Variants in HEATR1 observed in about 807,000 individuals in gnomAD.
HEATR1 encodes HEAT repeat containing 1, also known as HEAT repeat-containing protein 1.
HEATR1 carries 77 observed loss-of-function variants against 248.2 expected under a neutral mutation model. The ratio of observed to expected loss-of-function variants is 0.31; its 90% CI spans 0.26 to 0.37. The LOEUF (loss-of-function observed/expected upper bound fraction) is 0.37. Ranked by LOEUF, HEATR1 falls within the 10% of genes least tolerant of loss-of-function variation. The pLI is 1.00. For synonymous variants in HEATR1, 897 were observed against 923.1 expected, an observed-to-expected ratio of 0.97 and a Z score of 0.51; for missense variants, 2,420 against 2,504.9, an observed-to-expected ratio of 0.97 and a Z score of 0.72.
intron 20 of HEATR1, among the ~76,000 whole-genome samples, 153 bp downstream of exon 20, chr1:236,581,069 C>T (rs763353327): frequency 6.6e-6 from 1 of 151,578 alleles, no homozygotes; most frequent in Non-Finnish European, 1.5e-5. Context: ...CTGCCTGCTT[C>T]GGCCTCCCAA....
intron 9 of HEATR1, among the ~76,000 whole-genome samples, chr1:236,593,584 G>GAAAAAAAAA (rs534009257): frequency 5.5e-5 from 5 of 90,818 alleles, no homozygotes; most frequent in Non-Finnish European, 4.4e-5. Flanking sequence ...CCCATTAAGA[G>GAAAAAAAAA]AAAAAAAAAA....
At chr1:236,602,568 T>C (rs578222022) in intron 3 of HEATR1, among the ~76,000 whole-genome samples, 1 of 152,340 alleles carries the variant, frequency 6.6e-6, no homozygotes, top group South Asian at 2.1e-4. Flanking sequence ...AGCAGCTTAG[T>C]ACTCACTGCC....
intron 17 of HEATR1, among the ~76,000 whole-genome samples, chr1:236,583,797 T>C (rs1224863801): frequency 1.3e-5 from 2 of 152,164 alleles, no homozygotes; most frequent in Non-Finnish European, 2.9e-5. Flanking sequence ...AAAATAGGTA[T>C]ATTTCAAAAC....
chr1:236,555,967 C>A (rs1222085780), intron 38 of HEATR1, 28 bp from the exon 39 acceptor site: 1 of 1,611,838 alleles, frequency 6.2e-7, no homozygotes, highest in African/African-American at 1.3e-5. Context: ...AAGAGATGTG[C>A]CATTTTCAAA....
rs1663450950 is a variant in HEATR1 at position 236,572,327 on chromosome 1, G to T, written c.3707+84C>A. The T allele has an allele frequency of 1.7e-5, 23 of 1,359,094 alleles. No individual in the cohort carries two copies. The South Asian group carries it at 2.9e-4, about 17-fold the overall frequency. The allele number at this position is 1,359,094 out of a possible 1,614,324, so 84.2% of individuals were successfully genotyped here. ...TTTACAGACTATCTAAACAAGAGAA[G>T]AGTATGTTGAAAAGAGAATGTTAGA... On this transcript the variant is annotated intron_variant, in intron 26 of 44. Coordinates refer to ENST00000366582, the MANE Select transcript of HEATR1 (RefSeq NM_018072.6).
chr1:236,591,799 A>C (rs1664044959), intron 11 of HEATR1, among the ~76,000 whole-genome samples, 194 bp downstream of exon 11: 1 of 152,192 alleles, frequency 6.6e-6, no homozygotes, highest in Non-Finnish European at 1.5e-5. Flanking sequence ...TTATGTACAA[A>C]TTATTGTACC....
chr1:236,586,722 T>G (rs905763646), intron 14 of HEATR1, among the ~76,000 whole-genome samples: 1 of 151,906 alleles, frequency 6.6e-6, no homozygotes, highest in East Asian at 1.9e-4. Context: ...AATCTGCTCA[T>G]CCTGTCTAAT....
At chr1:236,568,354 T>C (rs1663328755) in intron 29 of HEATR1, among the ~76,000 whole-genome samples, 1 of 152,148 alleles carries the variant, frequency 6.6e-6, no homozygotes, top group African/African-American at 2.4e-5. Flanking sequence ...AATACTAAGG[T>C]TAAAAGAAGG....
chr1:236,568,933 C>A (rs1663348565), intron 29 of HEATR1, 63 bp downstream of exon 29: 99 of 1,101,538 alleles, frequency 9.0e-5, no homozygotes, highest in East Asian at 2.5e-4. Flanking sequence ...CTTTTAATGT[C>A]ATTTATATGC....
Position 236,559,077 on chromosome 1 carries a change from T to C in HEATR1, c.4829A>G (p.Asn1610Ser), listed in dbSNP as rs754814133. 1.9e-6 allele frequency: 3 copies of C among 1,612,932 alleles called. No individual in the cohort carries two copies. The highest frequency in any genetic ancestry group is 1.7e-6 in the Non-Finnish European group (2 of 1,179,606). ...FIPVIRGLVG[N>S]PLPSVRRKAL... ...TTTGCGGCGAACAGATGGCAGGGGA[T>C]TGCCCACCAGCCCTCTGATCACAGG... Residue 1610 changes from asparagine (N) to serine (S), a missense_variant, in exon 35 of 45, where the codon AAT (asparagine) becomes AGT (serine). Transcript: ENST00000366582.
At chr1:236,570,604 C>T (rs1009414336) in intron 28 of HEATR1, among the ~76,000 whole-genome samples, 2 of 152,104 alleles carry the variant, frequency 1.3e-5, no homozygotes, top group Admixed American at 1.3e-4. Flanking sequence ...CGTGAATATA[C>T]TAAAATCACT....
intron 17 of HEATR1, 51 bp downstream of exon 17, chr1:236,584,974 G>A (rs1330052604): frequency 1.3e-6 from 2 of 1,495,410 alleles, no homozygotes; most frequent in African/African-American, 2.8e-5. Flanking sequence ...TAATAGGCCA[G>A]GCTGTTGTTT....
At chr1:236,574,582 T>A (rs1372948900) in intron 23 of HEATR1, 79 bp downstream of exon 23, 3 of 1,448,596 alleles carry the variant, frequency 2.1e-6, no homozygotes, top group African/African-American at 1.4e-5. Context: ...ATCTTTTTTT[T>A]TTTAACGCTG....
At chr1:236,561,748 A>G (rs1358959) in intron 32 of HEATR1, among the ~76,000 whole-genome samples, 17,530 of 152,256 alleles carry the variant, frequency 0.12, 1,879 homozygotes, top group African/African-American at 0.28. Flanking sequence ...TTCTGGAAAC[A>G]TATTTTTGAG....
At chr1:236,594,491 G>T (rs1341697477) in intron 8 of HEATR1, among the ~76,000 whole-genome samples, 1 of 152,130 alleles carries the variant, frequency 6.6e-6, no homozygotes, top group African/African-American at 2.4e-5. Context: ...CCCCCTTACT[G>T]AACCAAAAGC....
At chr1:236,583,268 C>T (rs562046964) in intron 17 of HEATR1, 72 bp from the exon 18 acceptor site, 2 of 1,311,890 alleles carry the variant, frequency 1.5e-6, no homozygotes, top group East Asian at 2.3e-5. Flanking sequence ...AATTCCTCTG[C>T]ATAATATGCA....
At chr1:236,568,177 T>C (rs1663323890) in intron 29 of HEATR1, among the ~76,000 whole-genome samples, 1 of 152,210 alleles carries the variant, frequency 6.6e-6, no homozygotes, top group Admixed American at 6.5e-5. Flanking sequence ...TTCTATTTCT[T>C]ATAGAACTTT....
At chr1:236,582,927 G>A (rs1055678542) in intron 18 of HEATR1, 55 bp from the exon 19 acceptor site, 1 of 1,605,944 alleles carries the variant, frequency 6.2e-7, no homozygotes, top group Admixed American at 1.7e-5. Context: ...CATGCTGGGA[G>A]CTTTTTATTC....
rs773818105 is a variant in HEATR1 at position 236,558,537 on chromosome 1, G to A, written c.4912-8C>T. ...TTTTAGGAAACGGGTAACCTGAAGG[G>A]GACAGCCAGAATCCCCAAATCATTA... is the stretch of plus-strand genomic sequence containing the variant. On this transcript the variant is annotated splice_region_variant and splice_polypyrimidine_tract_variant and intron_variant, in intron 35 of 44. Transcript: ENST00000366582. 2.2e-5 allele frequency: 36 copies of A among 1,600,388 alleles called. 1 individual carries two copies. The South Asian group carries it at 3.8e-4, about 17-fold the overall frequency.
Sources: gnomAD v4.1 joint callset for allele counts (sites outside exome capture counted in the v4.1 genomes callset) on GRCh38, gnomAD v4.1.1 for gene constraint, MANE v1.5 for transcripts, NCBI Gene and HGNC (gene_info 2026-07-23, HGNC 2026-07-21) for gene names.